MAP2K3: variants seen among roughly 807,000 people sequenced by gnomAD.
MAP2K3 encodes dual specificity mitogen-activated protein kinase kinase 3.
In MAP2K3, 30 loss-of-function variants were observed where a neutral mutation model predicts 46.4. The observed-to-expected ratio is 0.65, with a 90% confidence interval of 0.48 to 0.88. The LOEUF (loss-of-function observed/expected upper bound fraction) is 0.88. MAP2K3 is among the 40% of genes least tolerant of loss of function. The pLI is 0.00. For missense variants in MAP2K3, 380 were observed against 464.5 expected, an observed-to-expected ratio of 0.82 and a Z score of 1.67; for synonymous variants, 189 against 176.3, an observed-to-expected ratio of 1.07 and a Z score of -0.57.
At position 21,300,904 on chromosome 17, in the gene MAP2K3, C is replaced by G; in HGVS notation, c.310C>G (p.Gln104Glu). Reference sequence around the variant, plus strand: ...CCGGGCCACCGTGAACTCACAGGAGCAGAAGCGGCTGCTCATGGACCTGGA... The same window carrying G: ...CCGGGCCACCGTGAACTCACAGGAGGAGAAGCGGCTGCTCATGGACCTGGA... ...RIRATVNSQE[Q>E]KRLLMDLDIN... The change falls in exon 5 of 12, where the codon CAG (glutamine) becomes GAG (glutamate). Residue 104 changes from glutamine (Q) to glutamate (E), a missense_variant. Gln to Glu is a conservative substitution (Grantham distance 29). This residue lies in a region of MAP2K3 where 294 missense variants were observed against 275.4 expected (regional missense o/e 1.07). Transcript: ENST00000342679. The G allele has an allele frequency of 1.9e-6, 3 of 1,614,234 alleles. No homozygotes were observed. The highest frequency in any genetic ancestry group is 2.5e-6 in the Non-Finnish European group (3 of 1,180,052).
At chr17:21,310,482 C>A (rs1201055549) in intron 9 of MAP2K3, among the ~76,000 whole-genome samples, 1 of 152,230 alleles carries the variant, frequency 6.6e-6, no homozygotes, top group African/African-American at 2.4e-5. Flanking sequence ...GAAACAGAGT[C>A]GGGAGAGTCC....
chr17:21,303,902 T>C (rs968111187), intron 7 of MAP2K3, among the ~76,000 whole-genome samples: 3 of 152,428 alleles, frequency 2.0e-5, no homozygotes, highest in Non-Finnish European at 2.9e-5. Flanking sequence ...TTTATGTGCA[T>C]TTCCATCTTT....
chr17:21,312,118 T>A (rs773079945), intron 9 of MAP2K3, 24 bp from the exon 10 acceptor site: 5 of 1,504,548 alleles, frequency 3.3e-6, no homozygotes, highest in Non-Finnish European at 4.4e-6. Flanking sequence ...GGCCGGGGCC[T>A]CTGACCCCCT....
intron 1 of MAP2K3, among the ~76,000 whole-genome samples, chr17:21,286,547 C>T (rs764618888): frequency 3.3e-5 from 5 of 152,170 alleles, no homozygotes; most frequent in Admixed American, 1.3e-4. Flanking sequence ...AGGCACTCGA[C>T]GGGGGAGGTG....
intron 1 of MAP2K3, chr17:21,291,493 T>C (rs1331963010): frequency 1.3e-5 from 6 of 456,348 alleles, no homozygotes; most frequent in African/African-American, 1.2e-4. Flanking sequence ...CTTGCTGACC[T>C]CGAGCCGGGC....
intron 1 of MAP2K3, chr17:21,291,702 G>C (rs1405734223): frequency 2.5e-6 from 1 of 404,836 alleles, no homozygotes; most frequent in Non-Finnish European, 4.9e-6. Context: ...TTTGTGCTGG[G>C]GATTTTGTGT....
intron 5 of MAP2K3, 117 bp downstream of exon 5, chr17:21,301,110 C>A: frequency 1.3e-6 from 2 of 1,544,436 alleles, no homozygotes; most frequent in Admixed American, 1.7e-5. Context: ...GGCATACTGG[C>A]AGGAGGCTCC....
intron 1 of MAP2K3, chr17:21,287,934 C>T (rs534262806): frequency 1.1e-5 from 10 of 926,898 alleles, no homozygotes; most frequent in East Asian, 6.1e-5. Context: ...CCCTGGCTGT[C>T]GGAAAGACTG....
intron 9 of MAP2K3, among the ~76,000 whole-genome samples, 158 bp downstream of exon 9, chr17:21,305,286 C>T (rs1181906988): frequency 6.6e-6 from 1 of 152,296 alleles, no homozygotes; most frequent in Non-Finnish European, 1.5e-5. Flanking sequence ...TCAGAAATTA[C>T]CATCTATTTA....
At chr17:21,291,176 G>A (rs1300787965) in intron 1 of MAP2K3, among the ~76,000 whole-genome samples, 12 of 152,290 alleles carry the variant, frequency 7.9e-5, no homozygotes, top group Non-Finnish European at 1.2e-4. Context: ...CCCGGGAGGC[G>A]GAGCTTGCAG....
At chr17:21,298,359 G>C in intron 1 of MAP2K3, 54 bp from the exon 2 acceptor site, 1 of 1,611,498 alleles carries the variant, frequency 6.2e-7, no homozygotes, top group South Asian at 1.1e-5. Flanking sequence ...TGGGAGTGCA[G>C]GGGACATTGA....
chr17:21,302,900 G>T (rs1216957987), intron 6 of MAP2K3, among the ~76,000 whole-genome samples: 453 of 152,208 alleles, frequency 3.0e-3, no homozygotes, highest in African/African-American at 0.01. Context: ...CAAGAGCTGG[G>T]TTTTACCCAA....
At position 21,300,887 on chromosome 17, in the gene MAP2K3, C is replaced by T. The variant is rs1257931374; in HGVS notation, c.293C>T (p.Thr98Ile). 2 of 1,614,088 alleles carry T rather than the reference C, an allele frequency of 1.2e-6. No individual in the cohort carries two copies. Among genetic ancestry groups the T allele is most frequent in the Non-Finnish European group, 1.7e-6 (2 of 1,180,056 alleles). Reference protein sequence around the residue: ...TIMAVKRIRATVNSQEQKRLL... With the variant: ...TIMAVKRIRAIVNSQEQKRLL... The stretch of plus-strand genomic sequence containing the variant: ...CCTTCCCTGCAGCGGATCCGGGCCA[C>T]CGTGAACTCACAGGAGCAGAAGCGG... The change falls in exon 5 of 12, where the codon ACC (threonine) becomes ATC (isoleucine). Residue 98 changes from threonine (T) to isoleucine (I), a missense_variant. By Grantham distance (89) the Thr-to-Ile change is moderately conservative (BLOSUM62 -1). Transcript: ENST00000342679.
intron 1 of MAP2K3, among the ~76,000 whole-genome samples, chr17:21,292,448 C>T (rs1205586918): frequency 6.6e-6 from 1 of 152,252 alleles, no homozygotes; most frequent in Admixed American, 6.5e-5. Context: ...CATGGCTCAC[C>T]ACAGCTCAGA....
chr17:21,301,249 C>A (rs939860979), intron 5 of MAP2K3, among the ~76,000 whole-genome samples: 1 of 152,274 alleles, frequency 6.6e-6, no homozygotes, highest in African/African-American at 2.4e-5. Flanking sequence ...GCCTGGCATT[C>A]AGCTGCACTC....
At chr17:21,305,704 G>A (rs1025868020) in intron 9 of MAP2K3, among the ~76,000 whole-genome samples, 2 of 152,302 alleles carry the variant, frequency 1.3e-5, no homozygotes, top group Non-Finnish European at 2.9e-5. Flanking sequence ...TCCGTGTTGG[G>A]GCTCAGGTCA....
chr17:21,291,111 G>C, intron 1 of MAP2K3, among the ~76,000 whole-genome samples: 1 of 152,310 alleles, frequency 6.6e-6, no homozygotes, highest in Non-Finnish European at 1.5e-5. Context: ...GGGCGTGGTG[G>C]CAGGTGTCTG....
chr17:21,287,574 G>C (rs753865656), intron 1 of MAP2K3, among the ~76,000 whole-genome samples: 3 of 152,336 alleles, frequency 2.0e-5, no homozygotes, highest in Non-Finnish European at 2.9e-5. Context: ...TTCTATGAGT[G>C]TGTGAGGCCC....
At chr17:21,299,827 C>T (rs960455639) in intron 3 of MAP2K3, among the ~76,000 whole-genome samples, 7 of 152,300 alleles carry the variant, frequency 4.6e-5, no homozygotes, top group Non-Finnish European at 1.0e-4. Context: ...TACTAAAATA[C>T]AAAAATTAGC....
Sources: gnomAD v4.1 joint callset for allele counts (sites outside exome capture counted in the v4.1 genomes callset) on GRCh38, gnomAD v4.1.1 for gene constraint, gnomAD v4.1.1 regional missense constraint, MANE v1.5 for transcripts, NCBI Gene and HGNC (gene_info 2026-07-23, HGNC 2026-07-21) for gene names.